The following ARPP21 variants were observed in gnomAD, a reference collection of about 807,000 sequenced individuals.
ARPP21 encodes the protein cAMP regulated phosphoprotein 21, also known as cAMP-regulated phosphoprotein 21.
A neutral mutation model predicts 113.2 loss-of-function variants in ARPP21; 69 were observed. The observed-to-expected ratio is 0.61, with a 90% CI of 0.50 to 0.74. The LOEUF is 0.74. ARPP21 is among the 30% of genes least tolerant of loss of function. The pLI, the probability that ARPP21 is intolerant of heterozygous loss-of-function variation, is 0.00. For missense variants in ARPP21, 1,070 were observed against 1,037.4 expected (o/e 1.03, Z -0.43); for synonymous variants, 368 against 375.5 (o/e 0.98, Z 0.23).
chr3:35,667,841 AAAGAAGAAGAAGAAGAAG>A (rs757542723), intron 1 of ARPP21, among the ~76,000 whole-genome samples: 3 of 81,500 alleles, frequency 3.7e-5, no homozygotes, highest in African/African-American at 1.2e-4. Flanking sequence ...TTTTATTCTC[AAAGAAGAAGAAGAAGAAG>A]AAGAAGAAGA....
chr3:35,753,463 C>T (rs955844457), intron 19 of ARPP21, among the ~76,000 whole-genome samples: 2 of 151,960 alleles, frequency 1.3e-5, no homozygotes, highest in Non-Finnish European at 2.9e-5. Flanking sequence ...TCCATGAAAG[C>T]TCATTTCAGT....
At chr3:35,790,024 C>T (rs2096716166) in intron 19 of ARPP21, among the ~76,000 whole-genome samples, 1 of 152,164 alleles carries the variant, frequency 6.6e-6, no homozygotes, top group Non-Finnish European at 1.5e-5. Context: ...ACCCGCTTCT[C>T]TTTCCCCCAC....
chr3:35,683,802 G>C lies in ARPP21; in HGVS notation c.248G>C (p.Ser83Thr), dbSNP rs747284341. The stretch of plus-strand genomic sequence containing the variant: ...TCTTCTGCCAGACCAGGAGGTGAAA[G>C]TCTTCAGGATCAGGTATATCCCCTT... The part of the protein sequence containing the change: ...EESSARPGGE[S>T]LQDQESIHLQ... The change falls in exon 5 of 21, where the codon AGT becomes ACT. Residue 83 changes from serine to threonine, a missense_variant. Transcript: ENST00000684406. 5.4e-6 allele frequency: 8 copies of C among 1,495,152 alleles called. No individual in the cohort carries two copies. The highest frequency in any genetic ancestry group is 7.5e-6 in the Non-Finnish European group (8 of 1,073,718). 92.6% of individuals were successfully genotyped at this position (1,495,152 alleles called of 1,614,324 possible). A position where few individuals can be genotyped will look rare whatever the true frequency, so the allele number is the denominator to read the frequency against.
intron 19 of ARPP21, among the ~76,000 whole-genome samples, chr3:35,759,665 A>G (rs1376713273): frequency 1.0e-5 from 1 of 99,786 alleles, no homozygotes; most frequent in Non-Finnish European, 2.1e-5. Context: ...TTTTCCTTTC[A>G]TTTTCTCTCT....
intron 19 of ARPP21, among the ~76,000 whole-genome samples, chr3:35,770,604 G>A (rs1434479721): frequency 6.6e-6 from 1 of 152,198 alleles, no homozygotes; most frequent in Non-Finnish European, 1.5e-5. Context: ...GAATGCACTT[G>A]ACTATGAGTT....
At position 35,741,318 on chromosome 3, in the gene ARPP21, T is replaced by C. The variant is rs1435305109; in HGVS notation, c.2010+1741T>C. ...ACAGGTGTCCATGGTTCATAATCAG[T>C]CTAGACATTTATGAACTTCTTTTTG... On this transcript the variant is annotated intron_variant, in intron 18 of 20. Coordinates refer to ENST00000684406, the MANE Select transcript of ARPP21 (RefSeq NM_001385562.1). Among the ~76,000 whole-genome samples, 16 of 152,162 alleles carry C rather than the reference T, an allele frequency of 1.1e-4. No homozygotes were observed. The East Asian group carries it at 2.9e-3, about 28-fold the overall frequency.
At chr3:35,761,300 G>T (rs2151300885) in intron 19 of ARPP21, among the ~76,000 whole-genome samples, 1 of 152,162 alleles carries the variant, frequency 6.6e-6, no homozygotes, top group South Asian at 2.1e-4. Flanking sequence ...TAAGGTGGGT[G>T]GGTAGGCAAC....
intron 18 of ARPP21, among the ~76,000 whole-genome samples, chr3:35,740,275 G>A (rs1205651755): frequency 6.6e-6 from 1 of 152,192 alleles, no homozygotes; most frequent in Non-Finnish European, 1.5e-5. Flanking sequence ...CAGAAGATTA[G>A]AAGTGATTAC....
At chr3:35,705,836 AT>A (rs1480293776) in intron 9 of ARPP21, among the ~76,000 whole-genome samples, 1 of 152,230 alleles carries the variant, frequency 6.6e-6, no homozygotes, top group African/African-American at 2.4e-5. Flanking sequence ...TTGTCTGCTC[AT>A]CAAAATTATT....
intron 19 of ARPP21, among the ~76,000 whole-genome samples, chr3:35,754,170 C>T (rs1390836739): frequency 6.6e-6 from 1 of 151,742 alleles, no homozygotes; most frequent in Non-Finnish European, 1.5e-5. Context: ...CTTAATTTGC[C>T]TTCTCTAAGA....
chr3:35,768,640 T>G (rs970754711), intron 19 of ARPP21, among the ~76,000 whole-genome samples: 1 of 152,170 alleles, frequency 6.6e-6, no homozygotes, highest in East Asian at 1.9e-4. Context: ...AATTTGCTTT[T>G]TACTAAAAAT....
intron 19 of ARPP21, among the ~76,000 whole-genome samples, chr3:35,748,079 A>AAAGG (rs1559837247): frequency 6.0e-5 from 5 of 83,314 alleles, no homozygotes; most frequent in Non-Finnish European, 1.3e-4. Flanking sequence ...AGAAAGAAAG[A>AAAGG]AAGAAAGAAA....
At chr3:35,724,569 G>A (rs2093383511) in intron 14 of ARPP21, among the ~76,000 whole-genome samples, 1 of 152,206 alleles carries the variant, frequency 6.6e-6, no homozygotes, top group Non-Finnish European at 1.5e-5. Flanking sequence ...CAAGTTCCCA[G>A]TTGATGCCAA....
intron 11 of ARPP21, among the ~76,000 whole-genome samples, chr3:35,712,053 A>G (rs943813355): frequency 2.6e-5 from 4 of 152,212 alleles, no homozygotes; most frequent in Non-Finnish European, 5.9e-5. Context: ...TCCTCTATTG[A>G]CACAAACATA....
intron 1 of ARPP21, among the ~76,000 whole-genome samples, chr3:35,679,125 G>T (rs139087902): frequency 6.6e-6 from 1 of 152,010 alleles, no homozygotes; most frequent in East Asian, 2.0e-4. Flanking sequence ...TGCCCAGCTG[G>T]CAGTGGCAAT....
chr3:35,780,620 A>G (rs1442040127), intron 19 of ARPP21, among the ~76,000 whole-genome samples: 1 of 152,096 alleles, frequency 6.6e-6, no homozygotes, highest in Non-Finnish European at 1.5e-5. Context: ...AATTCAAGGT[A>G]ATGTGTTTGA....
intron 5 of ARPP21, 134 bp from the exon 6 acceptor site, chr3:35,687,605 A>G: frequency 4.2e-6 from 3 of 712,874 alleles, no homozygotes; most frequent in Non-Finnish European, 6.8e-6. Flanking sequence ...TGACAGGTTT[A>G]ATTTTTACCA....
chr3:35,738,077 G>A (rs1459577956), intron 16 of ARPP21, 137 bp from the exon 17 acceptor site: 15 of 590,968 alleles, frequency 2.5e-5, no homozygotes, highest in Non-Finnish European at 4.5e-5. Flanking sequence ...TCAGAGCCTT[G>A]ACTTTCCTTT....
intron 1 of ARPP21, among the ~76,000 whole-genome samples, chr3:35,671,541 G>A (rs2076348306): frequency 6.6e-6 from 1 of 152,028 alleles, no homozygotes; most frequent in South Asian, 2.1e-4. Flanking sequence ...TGTAGAGAAA[G>A]GAAGAAACAA....
Sources: gnomAD v4.1 joint callset for allele counts (sites outside exome capture counted in the v4.1 genomes callset) on GRCh38, gnomAD v4.1.1 for gene constraint, MANE v1.5 for transcripts, NCBI Gene and HGNC (gene_info 2026-07-23, HGNC 2026-07-21) for gene names.